The following RNGTT variants were observed in gnomAD, a reference collection of about 807,000 sequenced individuals.
RNGTT encodes RNA guanylyltransferase and 5'-phosphatase, also known as mRNA-capping enzyme.
Under a neutral mutation model 79.3 loss-of-function variants are expected in RNGTT, and 33 were observed. That is an observed-to-expected ratio of 0.42 (90% confidence interval 0.32 to 0.56). The LOEUF is 0.56. Among genes scored for constraint, RNGTT ranks in the 20% least tolerant of loss-of-function variants. The pLI is 0.17. For synonymous variants in RNGTT, 222 were observed against 235.9 expected, an observed-to-expected ratio of 0.94 and a Z score of 0.54; for missense variants, 497 against 739.1, an observed-to-expected ratio of 0.67 and a Z score of 3.80.
intron 13 of RNGTT, among the ~76,000 whole-genome samples, chr6:88,727,695 C>CT (rs1244420207): frequency 6.6e-6 from 1 of 151,996 alleles, no homozygotes; most frequent in Non-Finnish European, 1.5e-5. Flanking sequence ...TGGTGTTTGG[C>CT]TTTTTTTGGT....
At chr6:88,704,956 A>G (rs931979095) in intron 13 of RNGTT, among the ~76,000 whole-genome samples, 1 of 152,140 alleles carries the variant, frequency 6.6e-6, no homozygotes, top group South Asian at 2.1e-4. Context: ...ATCATCTTAA[A>G]GGGCAGCAAG....
At chr6:88,908,545 C>A (rs990046352) in intron 4 of RNGTT, among the ~76,000 whole-genome samples, 1 of 152,100 alleles carries the variant, frequency 6.6e-6, no homozygotes. Context: ...AACTAGGCAC[C>A]AGGACTGGCC....
At chr6:88,700,153 G>C (rs9362543) in intron 13 of RNGTT, among the ~76,000 whole-genome samples, 4 of 152,148 alleles carry the variant, frequency 2.6e-5, no homozygotes, top group African/African-American at 9.6e-5. Flanking sequence ...AAAATGGCCA[G>C]AAAAATCTAT....
At chr6:88,761,018 TACACACACACACAC>T (rs59719740) in intron 13 of RNGTT, among the ~76,000 whole-genome samples, 8 of 131,238 alleles carry the variant, frequency 6.1e-5, no homozygotes, top group African/African-American at 2.0e-4. Flanking sequence ...GCAAAAGAAA[TACACACACACACAC>T]ACACACACAC....
intron 6 of RNGTT, among the ~76,000 whole-genome samples, chr6:88,898,835 C>G (rs1783345087): frequency 6.7e-6 from 1 of 148,770 alleles, no homozygotes; most frequent in Non-Finnish European, 1.5e-5. Flanking sequence ...ACTCTATATA[C>G]TCCTAGATGT....
At chr6:88,617,120 AT>A (rs1470311165) in intron 14 of RNGTT, among the ~76,000 whole-genome samples, 2 of 152,258 alleles carry the variant, frequency 1.3e-5, no homozygotes, top group African/African-American at 4.8e-5. Flanking sequence ...ATACAAAAAG[AT>A]TAGCCGGGCG....
intron 13 of RNGTT, among the ~76,000 whole-genome samples, chr6:88,741,368 A>G (rs1473904744): frequency 6.6e-6 from 1 of 152,292 alleles, no homozygotes; most frequent in African/African-American, 2.4e-5. Context: ...GTTCTCACTT[A>G]TAAGTGGGAG....
intron 6 of RNGTT, among the ~76,000 whole-genome samples, chr6:88,901,826 A>G (rs948349011): frequency 6.6e-5 from 10 of 152,124 alleles, no homozygotes; most frequent in African/African-American, 2.4e-4. Flanking sequence ...CTCAGAAAAA[A>G]CATTCTTCAA....
At chr6:88,655,918 T>C (rs902086261) in intron 14 of RNGTT, among the ~76,000 whole-genome samples, 5 of 152,208 alleles carry the variant, frequency 3.3e-5, no homozygotes, top group African/African-American at 7.2e-5. Context: ...AGTGAAGCTT[T>C]CATAATGAGA....
chr6:88,901,016 C>T (rs1582108485), intron 6 of RNGTT, among the ~76,000 whole-genome samples: 1 of 151,634 alleles, frequency 6.6e-6, no homozygotes, highest in Non-Finnish European at 1.5e-5. Flanking sequence ...GTGGTGCACA[C>T]CTGTAATCCT....
chr6:88,638,580 T>A (rs781096432), intron 14 of RNGTT, among the ~76,000 whole-genome samples: 1 of 152,170 alleles, frequency 6.6e-6, no homozygotes, highest in African/African-American at 2.4e-5. Context: ...GAAAGAACAG[T>A]TTTATGCTTT....
chr6:88,707,797 C>A (rs1465213690), intron 13 of RNGTT, among the ~76,000 whole-genome samples: 1 of 150,386 alleles, frequency 6.6e-6, no homozygotes, highest in Non-Finnish European at 1.5e-5. Context: ...TCTAGAGAGA[C>A]TGATGGCAAT....
At chr6:88,777,849 A>G (rs72925553) in intron 12 of RNGTT, among the ~76,000 whole-genome samples, 1,596 of 152,290 alleles carry the variant, frequency 0.01, 14 homozygotes, top group Middle Eastern at 0.024. Flanking sequence ...AAGCACCAAG[A>G]TGGGGAATCC....
chr6:88,697,882 T>C lies in RNGTT; in HGVS notation c.1440-19463A>G, dbSNP rs1233659750. ...TGAGACCCTGTCTTGGAAAAAAATA[T>C]ATATATGATATATATATATGATATA... On this transcript the variant is annotated intron_variant, in intron 13 of 15. Transcript: ENST00000369485. 2.6e-5 allele frequency among the ~76,000 whole-genome samples: 3 copies of C among 116,548 alleles called. 1 individual carries two copies. Among genetic ancestry groups the C allele is most frequent in the African/African-American group, 1.6e-4 (3 of 18,920 alleles). 76.5% of individuals were successfully genotyped at this position (116,548 alleles called of 152,430 possible).
At chr6:88,896,375 T>C (rs1347491600) in intron 6 of RNGTT, among the ~76,000 whole-genome samples, 1 of 152,164 alleles carries the variant, frequency 6.6e-6, no homozygotes, top group Non-Finnish European at 1.5e-5. Flanking sequence ...TCTCTCCTGG[T>C]AATTTGGAAT....
At chr6:88,884,936 T>A (rs1324492544) in intron 8 of RNGTT, among the ~76,000 whole-genome samples, 1 of 152,034 alleles carries the variant, frequency 6.6e-6, no homozygotes, top group East Asian at 1.9e-4. Flanking sequence ...GAAAACCAAG[T>A]GTCTCCCTAT....
At chr6:88,952,038 G>C (rs1460536572) in intron 1 of RNGTT, among the ~76,000 whole-genome samples, 1 of 152,164 alleles carries the variant, frequency 6.6e-6, no homozygotes, top group Non-Finnish European at 1.5e-5. Flanking sequence ...CGCTTTCTCA[G>C]TGGGGAAACT....
At chr6:88,841,030 T>C (rs1241225900) in intron 11 of RNGTT, among the ~76,000 whole-genome samples, 1 of 152,216 alleles carries the variant, frequency 6.6e-6, no homozygotes, top group Non-Finnish European at 1.5e-5. Flanking sequence ...TTTTATACTG[T>C]ATTTACAATT....
intron 11 of RNGTT, among the ~76,000 whole-genome samples, chr6:88,836,017 C>G (rs1378702705): frequency 1.7e-5 from 2 of 115,458 alleles, no homozygotes; most frequent in African/African-American, 6.6e-5. Context: ...CACACACACA[C>G]ACACACATAT....
Sources: allele counts gnomAD v4.1 joint callset (sites outside exome capture counted in the v4.1 genomes callset), GRCh38; gene constraint gnomAD v4.1.1; transcripts MANE v1.5; gene names NCBI Gene and HGNC (gene_info 2026-07-23, HGNC 2026-07-21).